Variants in NTN1 observed in about 807,000 individuals in gnomAD.
The protein encoded by NTN1 is netrin 1, also known as netrin-1.
Under a neutral mutation model 54.2 loss-of-function variants are expected in NTN1, and 11 were observed. That is an observed-to-expected ratio of 0.20 (90% CI 0.13 to 0.34). The LOEUF is 0.34. NTN1 is among the 10% of genes least tolerant of loss of function. The pLI, the probability that NTN1 is intolerant of heterozygous loss-of-function variation, is 1.00. For missense variants in NTN1, 740 were observed against 893.1 expected, an observed-to-expected ratio of 0.83 and a Z score of 2.18; for synonymous variants, 371 against 382.0, an observed-to-expected ratio of 0.97 and a Z score of 0.33.
At chr17:9,198,240 C>T (rs117710223) in intron 5 of NTN1, among the ~76,000 whole-genome samples, 13 of 152,294 alleles carry the variant, frequency 8.5e-5, no homozygotes, top group Middle Eastern at 3.4e-3. Flanking sequence ...AGCCTGATCA[C>T]GCGGGAGCTT....
chr17:9,058,757 CCT>C (rs963892575), intron 2 of NTN1, among the ~76,000 whole-genome samples: 1 of 151,116 alleles, frequency 6.6e-6, no homozygotes, highest in African/African-American at 2.4e-5. Context: ...GAATTCTTTT[CCT>C]GGGTTTGACC....
Position 9,023,336 on chromosome 17 carries a change from C to A in NTN1, c.963C>A (p.Phe321Leu). 6.6e-7 allele frequency: 1 copy of A among 1,516,274 alleles called. No homozygotes were observed. The highest frequency in any genetic ancestry group is 2.0e-5 in the Admixed American group (1 of 49,566). The allele number at this position is 1,516,274 out of a possible 1,614,324, so 93.9% of individuals were successfully genotyped here. A position where few individuals can be genotyped will look rare whatever the true frequency, so the allele number is the denominator to read the frequency against. ...CGGAGTGCGACCGCTGCAAGCCCTT[C>A]CACTACGACCGGCCCTGGCAGCGCG... The part of the protein sequence containing the change: ...AGPECDRCKP[F>L]HYDRPWQRAT... The change falls in exon 2 of 7, where the codon TTC becomes TTA. Residue 321 changes from phenylalanine (F) to leucine (L), a missense_variant. Phe to Leu is a conservative substitution (Grantham distance 22). Transcript: ENST00000173229.
chr17:9,213,636 T>G (rs999566598), intron 5 of NTN1, among the ~76,000 whole-genome samples: 2 of 152,226 alleles, frequency 1.3e-5, no homozygotes, highest in Non-Finnish European at 2.9e-5. Flanking sequence ...TAAAACTGCT[T>G]TTTTAAAGTT....
the NTN1 span, among the ~76,000 whole-genome samples, chr17:9,003,954 G>T: frequency 6.6e-6 from 1 of 152,216 alleles, no homozygotes; most frequent in Non-Finnish European, 1.5e-5. The surrounding 1 kb of genome is among the most constrained non-coding windows in gnomAD (Gnocchi z 7.4). Flanking sequence ...GCCGGCCTCG[G>T]CCTCGGCTCC....
At chr17:9,156,266 C>T (rs1170383380) in intron 2 of NTN1, among the ~76,000 whole-genome samples, 7 of 151,210 alleles carry the variant, frequency 4.6e-5, no homozygotes, top group African/African-American at 1.7e-4. Context: ...AGAATTCAGC[C>T]GTTATGCTAC....
chr17:9,011,911 G>A, the NTN1 span, among the ~76,000 whole-genome samples: 14 of 152,126 alleles, frequency 9.2e-5, no homozygotes, highest in Admixed American at 4.6e-4. Context: ...TTAGCTCACC[G>A]CACAGAGCTG....
At chr17:9,235,387 GC>G (rs373639144) in intron 6 of NTN1, among the ~76,000 whole-genome samples, 1,824 of 152,300 alleles carry the variant, frequency 0.012, 35 homozygotes, top group African/African-American at 0.04. Flanking sequence ...CCTCAGCAGA[GC>G]CCCCCTGTTC....
At chr17:9,013,982 C>G in the NTN1 span, among the ~76,000 whole-genome samples, 2 of 152,190 alleles carry the variant, frequency 1.3e-5, no homozygotes, top group Non-Finnish European at 1.5e-5. Flanking sequence ...GGCATTTTCA[C>G]CCCTTCAAAG....
intron 2 of NTN1, among the ~76,000 whole-genome samples, chr17:9,097,958 TCC>T (rs371012563): frequency 0.074 from 11,085 of 150,464 alleles, 566 homozygotes; most frequent in Middle Eastern, 0.15. Flanking sequence ...TACTCTGACC[TCC>T]CCCCGAGAAA....
chr17:9,070,001 C>G (rs1468251349), intron 2 of NTN1, among the ~76,000 whole-genome samples: 1 of 152,116 alleles, frequency 6.6e-6, no homozygotes, highest in African/African-American at 2.4e-5. Flanking sequence ...GTAATGTTCC[C>G]CAGCACGTGG....
chr17:9,083,689 C>T (rs573886488), intron 2 of NTN1, among the ~76,000 whole-genome samples: 45 of 152,072 alleles, frequency 3.0e-4, no homozygotes, highest in African/African-American at 1.1e-3. Flanking sequence ...GAACACCCAC[C>T]AAAGGATGAT....
chr17:9,193,023 T>G (rs1428406211), intron 5 of NTN1, among the ~76,000 whole-genome samples: 20 of 141,684 alleles, frequency 1.4e-4, no homozygotes, highest in African/African-American at 5.3e-4. Flanking sequence ...GAGGTTGCAG[T>G]GAGCCAGGAT....
intron 2 of NTN1, among the ~76,000 whole-genome samples, chr17:9,029,694 T>C (rs2091882919): frequency 6.6e-6 from 1 of 152,216 alleles, no homozygotes; most frequent in Non-Finnish European, 1.5e-5. Flanking sequence ...TAATTTGCGT[T>C]TTAAAAGTTA....
At chr17:9,223,633 T>C (rs1905439188) in intron 6 of NTN1, among the ~76,000 whole-genome samples, 1 of 152,166 alleles carries the variant, frequency 6.6e-6, no homozygotes, top group Non-Finnish European at 1.5e-5. Context: ...GTCTTCAGTG[T>C]CCCCTGGGGA....
At chr17:9,059,900 C>T (rs917138249) in intron 2 of NTN1, among the ~76,000 whole-genome samples, 11 of 150,874 alleles carry the variant, frequency 7.3e-5, no homozygotes, top group Admixed American at 5.3e-4. Flanking sequence ...ACCAGGGCCA[C>T]GTATGGCTAA....
intron 6 of NTN1, among the ~76,000 whole-genome samples, chr17:9,234,308 G>T (rs903636350): frequency 6.6e-6 from 1 of 152,196 alleles, no homozygotes; most frequent in Non-Finnish European, 1.5e-5. Flanking sequence ...CACCCCACCT[G>T]CATGCAGCCT....
chr17:9,010,782 A>C, the NTN1 span, among the ~76,000 whole-genome samples: 1 of 152,208 alleles, frequency 6.6e-6, no homozygotes, highest in Non-Finnish European at 1.5e-5. Context: ...TTTTGGGACC[A>C]AGGACCAGTT....
intron 2 of NTN1, among the ~76,000 whole-genome samples, chr17:9,038,842 A>T (rs2091912126): frequency 6.6e-6 from 1 of 152,028 alleles, no homozygotes; most frequent in Non-Finnish European, 1.5e-5. Flanking sequence ...AGATGCTTGC[A>T]GTGGTAGGGG....
At chr17:9,015,382 G>A in the NTN1 span, among the ~76,000 whole-genome samples, 2 of 152,168 alleles carry the variant, frequency 1.3e-5, no homozygotes, top group Non-Finnish European at 2.9e-5. Context: ...CTGCACTCCA[G>A]CCTGGGCATC....
Sources: gnomAD v4.1 joint callset for allele counts (sites outside exome capture counted in the v4.1 genomes callset) on GRCh38, gnomAD v4.1.1 for gene constraint, Gnocchi (gnomAD v3.1) non-coding constraint, MANE v1.5 for transcripts, NCBI Gene and HGNC (gene_info 2026-07-23, HGNC 2026-07-21) for gene names.